Variants in PDE1A observed in about 807,000 individuals in gnomAD.
PDE1A encodes phosphodiesterase 1A.
A neutral mutation model predicts 61.7 loss-of-function variants in PDE1A; 35 were observed. The observed-to-expected ratio is 0.57, with a 90% CI of 0.43 to 0.75. The LOEUF (loss-of-function observed/expected upper bound fraction) is 0.75. PDE1A is among the 30% of genes least tolerant of loss of function. The pLI is 0.00. For synonymous variants in PDE1A, 232 were observed against 213.2 expected, an observed-to-expected ratio of 1.09 and a Z score of -0.77; for missense variants, 597 against 630.6, an observed-to-expected ratio of 0.95 and a Z score of 0.57.
the PDE1A span, among the ~76,000 whole-genome samples, chr2:182,700,077 A>G: frequency 5.3e-5 from 8 of 152,320 alleles, no homozygotes; most frequent in African/African-American, 1.7e-4. Context: ...TAATGAGGAA[A>G]ACCACTTTCT....
rs1382130284 is a variant in PDE1A, at chr2:182,173,048, A to G, written c.1517-4758T>C. Among the ~76,000 whole-genome samples the G allele has an allele frequency of 2.0e-5, 3 of 152,100 alleles. No individual in the cohort carries two copies. In the East Asian group the frequency reaches 5.8e-4, roughly 29 times the overall value. On this transcript the variant is annotated intron_variant, in intron 13 of 13. Transcript: ENST00000351439. ...GGTGAATATAACTACGAAGGTTCCC[A>G]TTGCCATTTCCTGACTTCAGCCTGC...
the PDE1A span, among the ~76,000 whole-genome samples, chr2:182,678,901 AGTT>A: frequency 6.6e-6 from 1 of 151,966 alleles, no homozygotes; most frequent in Non-Finnish European, 1.5e-5. Flanking sequence ...TGGTAATTAT[AGTT>A]AACAGTATAT....
intron 2 of PDE1A, among the ~76,000 whole-genome samples, chr2:182,259,676 C>T (rs746902848): frequency 1.1e-4 from 17 of 152,170 alleles, no homozygotes; most frequent in Non-Finnish European, 2.4e-4. Flanking sequence ...AGAGTCTAAG[C>T]GCTAATCATC....
chr2:182,687,759 G>A, the PDE1A span, among the ~76,000 whole-genome samples: 15 of 152,096 alleles, frequency 9.9e-5, no homozygotes, highest in African/African-American at 2.4e-4. Context: ...CGAACCCATC[G>A]CAAACAAGTT....
chr2:182,348,010 C>T (rs1698622633), intron 1 of PDE1A, among the ~76,000 whole-genome samples: 2 of 152,120 alleles, frequency 1.3e-5, no homozygotes, highest in East Asian at 1.9e-4. Flanking sequence ...TGAAGTGACA[C>T]ATTTAAGTCA....
At chr2:182,184,732 A>G (rs1685066213) in intron 13 of PDE1A, among the ~76,000 whole-genome samples, 1 of 152,162 alleles carries the variant, frequency 6.6e-6, no homozygotes, top group Admixed American at 6.6e-5. Context: ...GCAGGAATTA[A>G]TGTGCTATTT....
intron 13 of PDE1A, among the ~76,000 whole-genome samples, chr2:182,161,352 A>G (rs530438478): frequency 7.4e-5 from 11 of 149,492 alleles, no homozygotes; most frequent in East Asian, 6.1e-4. Flanking sequence ...TTGGTTGGGG[A>G]AAAAAAAAAT....
chr2:182,609,088 C>A, the PDE1A span, among the ~76,000 whole-genome samples: 1 of 152,126 alleles, frequency 6.6e-6, no homozygotes, highest in African/African-American at 2.4e-5. Flanking sequence ...AATCAGCACT[C>A]TATCTAGCTC....
intron 1 of PDE1A, among the ~76,000 whole-genome samples, chr2:182,398,091 G>GA (rs1188612633): frequency 2.0e-5 from 3 of 151,600 alleles, no homozygotes; most frequent in Non-Finnish European, 4.4e-5. Context: ...ACTGGACACT[G>GA]AAAAAAATGA....
At chr2:182,476,909 A>AT (rs71008223) in intron 2 of PDE1A, among the ~76,000 whole-genome samples, 23,904 of 150,702 alleles carry the variant, frequency 0.16, 2,332 homozygotes, top group Middle Eastern at 0.31. Flanking sequence ...AAAAAAAAAA[A>AT]CTCTGAGCTT....
chr2:182,612,385 A>C, the PDE1A span, among the ~76,000 whole-genome samples: 1 of 152,230 alleles, frequency 6.6e-6, no homozygotes, highest in Non-Finnish European at 1.5e-5. Context: ...CTAATACCTA[A>C]TTCTCATATA....
At chr2:182,627,035 T>TAATA in the PDE1A span, among the ~76,000 whole-genome samples, 1 of 762 alleles carries the variant, frequency 1.3e-3, no homozygotes, top group African/African-American at 2.6e-3. Flanking sequence ...AATATAAATA[T>TAATA]ATATATTATT....
At chr2:182,339,441 C>T (rs553682732) in intron 1 of PDE1A, among the ~76,000 whole-genome samples, 18 of 152,262 alleles carry the variant, frequency 1.2e-4, no homozygotes, top group Non-Finnish European at 2.2e-4. Flanking sequence ...AATTCAAACA[C>T]AATCTAGATT....
the PDE1A span, among the ~76,000 whole-genome samples, chr2:182,700,220 G>A: frequency 6.6e-6 from 1 of 152,088 alleles, no homozygotes; most frequent in African/African-American, 2.4e-5. Flanking sequence ...TTACTCTAGT[G>A]GCTTAACTGT....
chr2:182,216,151 G>A (rs1433590979), intron 7 of PDE1A, among the ~76,000 whole-genome samples: 1 of 82,194 alleles, frequency 1.2e-5, no homozygotes, highest in African/African-American at 4.4e-5. Context: ...TATAAACAGA[G>A]CCAAAGACAA....
intron 3 of PDE1A, among the ~76,000 whole-genome samples, chr2:182,235,646 G>A (rs1330054196): frequency 6.6e-6 from 1 of 152,170 alleles, no homozygotes; most frequent in East Asian, 1.9e-4. Flanking sequence ...GGCCTGGGAA[G>A]AAAGAATACA....
intron 1 of PDE1A, among the ~76,000 whole-genome samples, chr2:182,419,813 C>G (rs1172936679): frequency 6.6e-6 from 1 of 152,120 alleles, no homozygotes; most frequent in Non-Finnish European, 1.5e-5. Flanking sequence ...CCATATCCTA[C>G]TTCACATATT....
At chr2:182,355,214 A>G (rs1263350298) in intron 1 of PDE1A, among the ~76,000 whole-genome samples, 1 of 151,966 alleles carries the variant, frequency 6.6e-6, no homozygotes, top group East Asian at 1.9e-4. Context: ...CAATTGCTGA[A>G]TTATACTAAA....
the PDE1A span, among the ~76,000 whole-genome samples, chr2:182,617,585 G>C: frequency 9.9e-5 from 15 of 152,156 alleles, no homozygotes; most frequent in Non-Finnish European, 2.1e-4. Flanking sequence ...TCAGAAATTA[G>C]GGTGATCTTA....
Sources: gnomAD v4.1 joint callset for allele counts (sites outside exome capture counted in the v4.1 genomes callset) on GRCh38, gnomAD v4.1.1 for gene constraint, MANE v1.5 for transcripts, NCBI Gene and HGNC (gene_info 2026-07-23, HGNC 2026-07-21) for gene names.